SLC22A15: variants seen among roughly 807,000 people sequenced by gnomAD.
SLC22A15 encodes the protein solute carrier family 22 member 15.
A neutral mutation model predicts 62.7 loss-of-function variants in SLC22A15; 45 were observed. That is an observed-to-expected ratio of 0.72 (90% CI 0.56 to 0.92). The LOEUF is 0.92. SLC22A15 is among the 40% of genes least tolerant of loss of function. The pLI, the probability that SLC22A15 is intolerant of heterozygous loss-of-function variation, is 0.00. For synonymous variants in SLC22A15, 264 were observed against 267.0 expected (o/e 0.99, Z 0.11); for missense variants, 622 against 665.6 (o/e 0.93, Z 0.72).
rs781037521 is a variant in SLC22A15 at position 116,067,097 on chromosome 1, A to G, written c.1633A>G (p.Met545Val). 1.2e-6 allele frequency: 2 copies of G among 1,611,132 alleles called. No homozygotes were observed. The highest frequency in any genetic ancestry group is 1.7e-6 in the Non-Finnish European group (2 of 1,178,712). The change falls in exon 12 of 12, where the codon ATG becomes GTG. Residue 545 changes from methionine (M) to valine (V), a missense_variant. Coordinates refer to ENST00000369503, the MANE Select transcript of SLC22A15 (RefSeq NM_018420.3). ...TTATGATGCAGATGAAGAGACTCAG[A>G]TGATCAAGTGAAGAGCCCCAGATTC... ...EFYDADEETQMIK is the reference protein window; with the variant it reads ...EFYDADEETQVIK
At chr1:116,018,813 C>T (rs1298418243) in intron 2 of SLC22A15, among the ~76,000 whole-genome samples, 1 of 152,162 alleles carries the variant, frequency 6.6e-6, no homozygotes, top group African/African-American at 2.4e-5. Flanking sequence ...TTATTGTTAG[C>T]TATAGTCATC....
chr1:116,061,240 C>G (rs1415356470), intron 8 of SLC22A15, among the ~76,000 whole-genome samples: 2 of 152,136 alleles, frequency 1.3e-5, no homozygotes, highest in Non-Finnish European at 2.9e-5. Context: ...TAAGCAGCCA[C>G]AAGGCAGTGT....
chr1:116,066,841 T>C, intron 11 of SLC22A15, 133 bp downstream of exon 11: 1 of 1,008,828 alleles, frequency 9.9e-7, no homozygotes, highest in Middle Eastern at 3.3e-4. Context: ...GCAGCTGATT[T>C]TCAGAGAAAT....
intron 2 of SLC22A15, among the ~76,000 whole-genome samples, chr1:116,016,877 C>T (rs1656561767): frequency 6.6e-6 from 1 of 152,220 alleles, no homozygotes; most frequent in Non-Finnish European, 1.5e-5. Context: ...TCCAAGCCAT[C>T]ATTATCTCCT....
At chr1:116,018,649 G>C (rs1408501209) in intron 2 of SLC22A15, among the ~76,000 whole-genome samples, 3 of 151,910 alleles carry the variant, frequency 2.0e-5, no homozygotes, top group African/African-American at 7.3e-5. Context: ...TAATTTTATT[G>C]ACATAATTAT....
At position 116,031,560 on chromosome 1, in the gene SLC22A15, C is replaced by G. The variant is rs1657397706; in HGVS notation, c.923C>G (p.Thr308Ser). The G allele has an allele frequency of 1.2e-6, 2 of 1,613,776 alleles. No individual in the cohort carries two copies. Among genetic ancestry groups the G allele is most frequent in the African/African-American group, 2.7e-5 (2 of 74,928 alleles). ...CGTTACCGGGTCCTGTTAGGACACA[C>G]TTTGATCCTGATGTTCATCTGGTAA... Reference protein sequence around the residue: ...LFRYRVLLGHTLILMFIWFVC... With the variant: ...LFRYRVLLGHSLILMFIWFVC... The change falls in exon 6 of 12, where the codon ACT becomes AGT. Residue 308 changes from threonine to serine, a missense_variant. Coordinates refer to ENST00000369503, the MANE Select transcript of SLC22A15 (RefSeq NM_018420.3).
intron 8 of SLC22A15, among the ~76,000 whole-genome samples, chr1:116,056,083 G>C (rs1385066679): frequency 6.9e-6 from 1 of 143,950 alleles, no homozygotes; most frequent in African/African-American, 2.6e-5. Flanking sequence ...AGGAAATAAA[G>C]GATATTCAAT....
In SLC22A15 at chr1:116,067,791, C is replaced by T. The variant is rs1436860914; in HGVS notation, c.*683C>T. 1 of 152,204 alleles carries T rather than the reference C, an allele frequency of 6.6e-6. No homozygotes were observed. Among genetic ancestry groups the T allele is most frequent in the Non-Finnish European group, 1.5e-5 (1 of 68,104 alleles). The allele number at this position is 152,204 out of a possible 1,614,324, so 9.4% of individuals were successfully genotyped here. On this transcript the variant is annotated 3_prime_UTR_variant, in exon 12 of 12. Transcript: ENST00000369503. Reference sequence around the variant, plus strand: ...TATACCAAAGCGGTTTACTCAGAGTCAGGGGTGTAGCTCTGGCTGCCTGTC... The same window carrying T: ...TATACCAAAGCGGTTTACTCAGAGTTAGGGGTGTAGCTCTGGCTGCCTGTC...
rs1218344238 is a variant in SLC22A15, at chr1:115,994,659, GTC to G, written c.300+2422_300+2423del. On this transcript the variant is annotated intron_variant, in intron 2 of 11. Coordinates refer to ENST00000369503, the MANE Select transcript of SLC22A15 (RefSeq NM_018420.3). ...AGTTTGCCTCATTAGCATTATTATT[GTC>G]TCTCTGTTTTTTCCTAAGCCATTTG... Among the ~76,000 whole-genome samples, 29 of 152,046 alleles carry G rather than the reference GTC, an allele frequency of 1.9e-4. 1 individual carries two copies. Among genetic ancestry groups the G allele is most frequent in the Admixed American group, 1.9e-3 (29 of 15,266 alleles).
intron 2 of SLC22A15, among the ~76,000 whole-genome samples, chr1:115,992,659 T>A (rs1655211470): frequency 6.6e-6 from 1 of 150,598 alleles, no homozygotes; most frequent in African/African-American, 2.4e-5. Flanking sequence ...TCTTGCTTTG[T>A]TGCCCAAGCT....
At chr1:116,046,200 A>G (rs896212167) in intron 8 of SLC22A15, among the ~76,000 whole-genome samples, 10 of 152,188 alleles carry the variant, frequency 6.6e-5, no homozygotes, top group Non-Finnish European at 1.3e-4. Context: ...AGTTAGGCAA[A>G]TATTTCTTAA....
chr1:115,980,667 A>G (rs1654567222), intron 1 of SLC22A15, among the ~76,000 whole-genome samples: 1 of 152,176 alleles, frequency 6.6e-6, no homozygotes, highest in Non-Finnish European at 1.5e-5. Context: ...GTATAGAAAT[A>G]TAAGAACATG....
chr1:115,992,035 A>C lies in SLC22A15; in HGVS notation c.92A>C (p.Tyr31Ser), dbSNP rs771931282. ...CFLLAVLLQL[Y>S]VATEAILIAL... is the part of the protein sequence containing the mutation. ...TCTGTGTGTTTGCTCTTTCAGCTCT[A>C]CGTGGCCACGGAGGCCATCCTCATT... Residue 31 changes from tyrosine (Y) to serine (S), a missense_variant, in exon 2 of 12, where the codon TAC becomes TCC. Coordinates refer to ENST00000369503, the MANE Select transcript of SLC22A15 (RefSeq NM_018420.3). 1 of 1,613,190 alleles carries C rather than the reference A, an allele frequency of 6.2e-7. No individual in the cohort carries two copies. Among genetic ancestry groups the C allele is most frequent in the Admixed American group, 1.7e-5 (1 of 60,024 alleles).
At chr1:115,978,818 G>A (rs1316033271) in intron 1 of SLC22A15, among the ~76,000 whole-genome samples, 3 of 152,150 alleles carry the variant, frequency 2.0e-5, no homozygotes, top group Non-Finnish European at 4.4e-5. Flanking sequence ...ATCATTCTTG[G>A]GGATGAGGTT....
rs1285721425 is a variant in SLC22A15 at position 116,019,712 on chromosome 1, C to T, written c.431C>T (p.Thr144Ile). ...DRFGRKKVYLTGFALDILFAI... is the reference protein window; with the variant it reads ...DRFGRKKVYLIGFALDILFAI... ...TTCGGAAGGAAAAAAGTCTATCTCA[C>T]AGGTAATCTATTAGAGTATTCATAA... The change falls in exon 3 of 12, where the codon ACA becomes ATA. Residue 144 changes from threonine (T) to isoleucine (I), a missense_variant and splice_region_variant. Thr to Ile is a moderately conservative substitution (Grantham distance 89). Coordinates refer to ENST00000369503, the MANE Select transcript of SLC22A15 (RefSeq NM_018420.3). 6.2e-6 allele frequency: 10 copies of T among 1,610,920 alleles called. No homozygotes were observed. The East Asian group carries it at 2.0e-4, about 32-fold the overall frequency.
chr1:116,064,399 T>C (rs1658449577), intron 9 of SLC22A15, 37 bp from the exon 10 acceptor site: 2 of 1,530,454 alleles, frequency 1.3e-6, no homozygotes, highest in African/African-American at 2.7e-5. Context: ...ATTCCTCCGC[T>C]AGAACTTACT....
At chr1:116,058,247 C>T (rs954647284) in intron 8 of SLC22A15, among the ~76,000 whole-genome samples, 13 of 152,036 alleles carry the variant, frequency 8.6e-5, no homozygotes, top group African/African-American at 2.9e-4. Context: ...TCAGAATCTA[C>T]AACAAACTCA....
At chr1:116,062,485 A>G (rs1658407662) in intron 8 of SLC22A15, among the ~76,000 whole-genome samples, 1 of 152,216 alleles carries the variant, frequency 6.6e-6, no homozygotes, top group Non-Finnish European at 1.5e-5. Flanking sequence ...ATGACAGTAC[A>G]GAAGTTTTCA....
chr1:116,005,693 C>T (rs886390834), intron 2 of SLC22A15, among the ~76,000 whole-genome samples: 3 of 152,126 alleles, frequency 2.0e-5, no homozygotes, highest in African/African-American at 7.2e-5. Flanking sequence ...TCCCAACCTC[C>T]ACTCCTCAGC....
Sources: allele counts gnomAD v4.1 joint callset (sites outside exome capture counted in the v4.1 genomes callset), GRCh38; gene constraint gnomAD v4.1.1; transcripts MANE v1.5; gene names NCBI Gene and HGNC (gene_info 2026-07-23, HGNC 2026-07-21).